The following NOPCHAP1 variants were observed in gnomAD, a reference collection of about 807,000 sequenced individuals.
NOPCHAP1 encodes DNA damage-sensitive RNA 1.
A neutral mutation model predicts 14.0 loss-of-function variants in NOPCHAP1; 13 were observed. The ratio of observed to expected loss-of-function variants is 0.93; its 90% confidence interval spans 0.60 to 1.47. The LOEUF (loss-of-function observed/expected upper bound fraction) is 1.47. NOPCHAP1 is among the 40% of genes most tolerant of loss of function. The pLI is 0.00. For synonymous variants in NOPCHAP1, 78 were observed against 78.4 expected (o/e 1.00, Z 0.03); for missense variants, 230 against 226.9 (o/e 1.01, Z -0.09).
At chr12:104,987,997 A>C (rs556223303) in intron 1 of NOPCHAP1, among the ~76,000 whole-genome samples, 170 bp from the exon 2 acceptor site, 6 of 152,330 alleles carry the variant, frequency 3.9e-5, no homozygotes, top group South Asian at 4.1e-4. Flanking sequence ...CTGGCTGTAC[A>C]TAAAGAATTA....
chr12:104,986,722 C>T (rs369877236), intron 1 of NOPCHAP1, among the ~76,000 whole-genome samples: 1 of 152,214 alleles, frequency 6.6e-6, no homozygotes, highest in South Asian at 2.1e-4. Context: ...GAGCGCCCAC[C>T]CTGCCAGGCG....
rs1040799087 is a variant in NOPCHAP1, at chr12:105,003,010, G to T, written c.*8314G>T. ...GTATTGAGGTAAAGATGGGTAAAGAGAAAGAACAAAACAGGTTTGAATCAG... is the reference window on the plus strand; with the variant it reads ...GTATTGAGGTAAAGATGGGTAAAGATAAAGAACAAAACAGGTTTGAATCAG... On this transcript the variant is annotated 3_prime_UTR_variant, in exon 4 of 4. Coordinates refer to ENST00000552951, the MANE Select transcript of NOPCHAP1 (RefSeq NM_152318.3). 1 of 152,174 alleles carries T rather than the reference G, an allele frequency of 6.6e-6. No homozygotes were observed. The highest frequency in any genetic ancestry group is 2.4e-5 in the African/African-American group (1 of 41,422). The allele number at this position is 152,174 out of a possible 1,614,324, so 9.4% of individuals were successfully genotyped here.
rs1873975263 is a variant in NOPCHAP1 at position 105,017,535 on chromosome 12, G to T, written c.*22839G>T. ...AAAAAAAAAAAATGTAAGAAAAGAG[G>T]TTGAGTCTTATTTTCATTTGTATTT... is the stretch of plus-strand genomic sequence containing the variant. On this transcript the variant is annotated 3_prime_UTR_variant, in exon 4 of 4. Coordinates refer to ENST00000552951, the MANE Select transcript of NOPCHAP1 (RefSeq NM_152318.3). 2 of 150,384 alleles carry T rather than the reference G, an allele frequency of 1.3e-5. No individual in the cohort carries two copies. 9.3% of individuals were successfully genotyped at this position (150,384 alleles called of 1,614,324 possible).
chr12:104,990,324 T>C (rs952478904), intron 2 of NOPCHAP1, among the ~76,000 whole-genome samples: 1 of 152,200 alleles, frequency 6.6e-6, no homozygotes, highest in Non-Finnish European at 1.5e-5. Context: ...GATTCATTAG[T>C]TGGAAACAAA....
At position 105,016,695 on chromosome 12, in the gene NOPCHAP1, C is replaced by T. The variant is rs190442946; in HGVS notation, c.*21999C>T. Reference sequence around the variant, plus strand: ...ACATGAGAACAGCATAGGAAAGACCCGCCCCGATGATTCAGTTACCTCCCA... The same window carrying T: ...ACATGAGAACAGCATAGGAAAGACCTGCCCCGATGATTCAGTTACCTCCCA... On this transcript the variant is annotated 3_prime_UTR_variant, in exon 4 of 4. Transcript: ENST00000552951. 1.8e-4 allele frequency: 27 copies of T among 152,262 alleles called. No individual in the cohort carries two copies. Among genetic ancestry groups the T allele is most frequent in the African/African-American group, 5.3e-4 (22 of 41,528 alleles). 9.4% of individuals were successfully genotyped at this position (152,262 alleles called of 1,614,324 possible). A position where few individuals can be genotyped will look rare whatever the true frequency, so the allele number is the denominator to read the frequency against.
chr12:104,986,406 G>GCCCAC lies in NOPCHAP1; in HGVS notation c.54_55insCCCAC (p.Asp19ProfsTer14), dbSNP rs773932631. 36 of 1,611,716 alleles carry GCCCAC rather than the reference G, an allele frequency of 2.2e-5. No homozygotes were observed. The highest frequency in any genetic ancestry group is 3.0e-5 in the Non-Finnish European group (35 of 1,179,192). On this transcript the variant is annotated frameshift_variant, in exon 1 of 4. Transcript: ENST00000552951. LOFTEE classifies it high-confidence loss of function. ...GCCCGAGTTGTTCGTCGCCCACCCG[G>GCCCAC]GATTCCTCAGGAGTCCCAGTGTCCA...
rs1479304492 is a variant in NOPCHAP1, at chr12:105,015,996, T to C, written c.*21300T>C. 5 of 143,402 alleles carry C rather than the reference T, an allele frequency of 3.5e-5. No individual in the cohort carries two copies. The highest frequency in any genetic ancestry group is 6.8e-5 in the Admixed American group (1 of 14,690). 8.9% of individuals were successfully genotyped at this position (143,402 alleles called of 1,614,324 possible). ...AAATAGTCAAGAAAGGTTTTTTTTT[T>C]TTTTTTTAAAAAGCATAACATCAAA... On this transcript the variant is annotated 3_prime_UTR_variant, in exon 4 of 4. Transcript: ENST00000552951.
chr12:105,000,482 A>G lies in NOPCHAP1; in HGVS notation c.*5786A>G, dbSNP rs954606123. On this transcript the variant is annotated 3_prime_UTR_variant, in exon 4 of 4. Coordinates refer to ENST00000552951, the MANE Select transcript of NOPCHAP1 (RefSeq NM_152318.3). Reference sequence around the variant, plus strand: ...TAAAGCCATTGCAAATTATGGTCCTATGGATTTTCCTGTAAGGAAAAGGAA... The same window carrying G: ...TAAAGCCATTGCAAATTATGGTCCTGTGGATTTTCCTGTAAGGAAAAGGAA... 9.2e-5 allele frequency: 14 copies of G among 152,190 alleles called. No individual in the cohort carries two copies. Among genetic ancestry groups the G allele is most frequent in the African/African-American group, 3.4e-4 (14 of 41,440 alleles). The allele number at this position is 152,190 out of a possible 1,614,324, so 9.4% of individuals were successfully genotyped here. A position where few individuals can be genotyped will look rare whatever the true frequency, so the allele number is the denominator to read the frequency against.
chr12:104,987,865 A>G (rs181301912), intron 1 of NOPCHAP1, among the ~76,000 whole-genome samples: 31 of 152,308 alleles, frequency 2.0e-4, no homozygotes, highest in Middle Eastern at 3.4e-3. Flanking sequence ...CCGTTCTGTC[A>G]TTGCAGACCC....
Position 104,991,723 on chromosome 12 carries a change from G to C in NOPCHAP1, c.214G>C (p.Val72Leu). Reference sequence around the variant, plus strand: ...TTTACTTTCCACAGTATTGGACCAGGTACAGACATTTCTCCCACAGATGGC... The same window carrying C: ...TTTACTTTCCACAGTATTGGACCAGCTACAGACATTTCTCCCACAGATGGC... ...RIERSPLLDQ[V>L]QTFLPQMARA... is the part of the protein sequence containing the mutation. Residue 72 changes from valine to leucine, a missense_variant, in exon 3 of 4, where the codon GTA (valine) becomes CTA (leucine). Coordinates refer to ENST00000552951, the MANE Select transcript of NOPCHAP1 (RefSeq NM_152318.3). The C allele has an allele frequency of 6.2e-7, 1 of 1,612,492 alleles. No homozygotes were observed. The highest frequency in any genetic ancestry group is 8.5e-7 in the Non-Finnish European group (1 of 1,179,614).
rs551228587 is a variant in NOPCHAP1, at chr12:104,988,575, A to C, written c.202+322A>C. ...TAATATATATGGATGGAAAACCACA[A>C]CCACATCCCATTGAATTGGACACAA... is the stretch of plus-strand genomic sequence containing the variant. On this transcript the variant is annotated intron_variant, in intron 2 of 3. Coordinates refer to ENST00000552951, the MANE Select transcript of NOPCHAP1 (RefSeq NM_152318.3). Among the ~76,000 whole-genome samples, 199 of 152,332 alleles carry C rather than the reference A, an allele frequency of 1.3e-3. 1 individual carries two copies. The highest frequency in any genetic ancestry group is 4.7e-3 in the African/African-American group (195 of 41,562).
chr12:104,999,628 C>T lies in NOPCHAP1; in HGVS notation c.*4932C>T, dbSNP rs1873570670. Reference sequence around the variant, plus strand: ...GGGCGTCCCTGGCCATGATCCACTACAGATGCTCCCGCACCAAAGCCTCTG... The same window carrying T: ...GGGCGTCCCTGGCCATGATCCACTATAGATGCTCCCGCACCAAAGCCTCTG... On this transcript the variant is annotated 3_prime_UTR_variant, in exon 4 of 4. Coordinates refer to ENST00000552951, the MANE Select transcript of NOPCHAP1 (RefSeq NM_152318.3). The T allele has an allele frequency of 6.6e-6, 1 of 152,312 alleles. No homozygotes were observed. The highest frequency in any genetic ancestry group is 1.5e-5 in the Non-Finnish European group (1 of 68,156). 9.4% of individuals were successfully genotyped at this position (152,312 alleles called of 1,614,324 possible).
chr12:104,990,624 G>C (rs1453142917), intron 2 of NOPCHAP1, among the ~76,000 whole-genome samples: 1 of 152,156 alleles, frequency 6.6e-6, no homozygotes, highest in Admixed American at 6.5e-5. Flanking sequence ...TAAGTTTTGA[G>C]AGTCTGTTAT....
Position 105,003,093 on chromosome 12 carries a change from T to G in NOPCHAP1, c.*8397T>G, listed in dbSNP as rs1392901320. The G allele has an allele frequency of 6.6e-6, 1 of 152,226 alleles. No individual in the cohort carries two copies. 9.4% of individuals were successfully genotyped at this position (152,226 alleles called of 1,614,324 possible). ...AGCTACTTAAGGTTTTCATTTGCCT[T>G]CTGTAAGGAATCTTTTACTACCTGT... On this transcript the variant is annotated 3_prime_UTR_variant, in exon 4 of 4. Transcript: ENST00000552951.
Position 104,994,522 on chromosome 12 carries a change from GGACAGTTCAGAAGAGAGTTCACAA to G in NOPCHAP1, c.396_419del (p.Glu133_Glu140del). On this transcript the variant is annotated inframe_deletion, in exon 4 of 4. Coordinates refer to ENST00000552951, the MANE Select transcript of NOPCHAP1 (RefSeq NM_152318.3). ...TGAATCAGTCGGATTCAAAAGAAGT[GGACAGTTCAGAAGAGAGTTCACAA>G]GACAGTTCAGAGAACAGTTCAGAAT... 3 of 1,613,572 alleles carry G rather than the reference GGACAGTTCAGAAGAGAGTTCACAA, an allele frequency of 1.9e-6. No homozygotes were observed. Among genetic ancestry groups the G allele is most frequent in the Non-Finnish European group, 2.5e-6 (3 of 1,179,734 alleles).
In NOPCHAP1 at chr12:104,988,232, G is replaced by A. The variant is rs1398436956; in HGVS notation, c.181G>A (p.Val61Ile). Residue 61 changes from valine (V) to isoleucine (I), a missense_variant, in exon 2 of 4, where the codon GTT becomes ATT. Coordinates refer to ENST00000552951, the MANE Select transcript of NOPCHAP1 (RefSeq NM_152318.3). Reference protein sequence around the residue: ...KSRKTSTLQTVRIERSPLLDQ... With the variant: ...KSRKTSTLQTIRIERSPLLDQ... ...CAGAAAGACCTCCACTCTTCAAACA[G>A]TTCGGATAGAGAGGAGTCCCTGTAA... 6.2e-7 allele frequency: 1 copy of A among 1,612,236 alleles called. No individual in the cohort carries two copies. The highest frequency in any genetic ancestry group is 1.7e-5 in the Admixed American group (1 of 59,944).
At chr12:104,993,466 A>G (rs1421227025) in intron 3 of NOPCHAP1, among the ~76,000 whole-genome samples, 1 of 152,030 alleles carries the variant, frequency 6.6e-6, no homozygotes, top group East Asian at 1.9e-4. Context: ...TGCTTTCCTA[A>G]TGTTGACCTA....
intron 3 of NOPCHAP1, among the ~76,000 whole-genome samples, chr12:104,993,972 TTAGAG>T (rs1320999152): frequency 1.3e-5 from 2 of 152,216 alleles, no homozygotes; most frequent in Admixed American, 6.5e-5. Flanking sequence ...TTTTAGACAC[TTAGAG>T]TAAATTTAAA....
chr12:104,991,683 T>C, intron 2 of NOPCHAP1, 29 bp from the exon 3 acceptor site: 1 of 1,564,490 alleles, frequency 6.4e-7, no homozygotes, highest in Admixed American at 2.1e-5. Flanking sequence ...CTAGCATAAA[T>C]GTTGATATGC....
Sources: allele counts gnomAD v4.1 joint callset (sites outside exome capture counted in the v4.1 genomes callset), GRCh38; gene constraint gnomAD v4.1.1; transcripts MANE v1.5; gene names NCBI Gene and HGNC (gene_info 2026-07-23, HGNC 2026-07-21).